KRABD5: variants seen among roughly 807,000 people sequenced by gnomAD.
The protein encoded by KRABD5 is KRAB domain containing 5.
At chr16:31,739,632 TAA>T in the KRABD5 span, among the ~76,000 whole-genome samples, 1 of 152,202 alleles carries the variant, frequency 6.6e-6, no homozygotes, top group African/African-American at 2.4e-5. Context: ...TTTCTTAAAA[TAA>T]AGTTTCTACT....
the KRABD5 span, among the ~76,000 whole-genome samples, chr16:31,736,829 A>G: frequency 6.6e-6 from 1 of 152,122 alleles, no homozygotes; most frequent in East Asian, 1.9e-4. Flanking sequence ...CCATTTTAAT[A>G]ATATTCTTCC....
At chr16:31,734,341 CTT>C in the KRABD5 span, among the ~76,000 whole-genome samples, 1 of 151,676 alleles carries the variant, frequency 6.6e-6, no homozygotes, top group Admixed American at 6.6e-5. Context: ...GCTTCAAACT[CTT>C]GGGCTCAAGT....
At chr16:31,731,149 G>C in the KRABD5 span, among the ~76,000 whole-genome samples, 1 of 152,160 alleles carries the variant, frequency 6.6e-6, no homozygotes, top group African/African-American at 2.4e-5. Flanking sequence ...ATGTGAAGGA[G>C]CAAACCTCTC....
chr16:31,760,721 A>G, the KRABD5 span: 1 of 152,160 alleles, frequency 6.6e-6, no homozygotes, highest in African/African-American at 2.4e-5. Flanking sequence ...TCTGTTTTCA[A>G]ATACTAAATC....
At chr16:31,726,642 T>C in the KRABD5 span, among the ~76,000 whole-genome samples, 1 of 152,192 alleles carries the variant, frequency 6.6e-6, no homozygotes, top group African/African-American at 2.4e-5. Context: ...ATACCTGTAA[T>C]GTCAGCTGTT....
chr16:31,738,004 G>A, the KRABD5 span, among the ~76,000 whole-genome samples: 1 of 152,098 alleles, frequency 6.6e-6, no homozygotes, highest in Non-Finnish European at 1.5e-5. Flanking sequence ...TCATGGACAT[G>A]CCATTTTTCT....
the KRABD5 span, among the ~76,000 whole-genome samples, chr16:31,721,250 C>T: frequency 6.6e-6 from 1 of 152,074 alleles, no homozygotes; most frequent in Non-Finnish European, 1.5e-5. Context: ...TGTTCTGTCA[C>T]TTTTCATGTA....
chr16:31,748,804 T>G, the KRABD5 span, among the ~76,000 whole-genome samples: 1 of 152,188 alleles, frequency 6.6e-6, no homozygotes, highest in East Asian at 1.9e-4. Context: ...TTGATGCTGT[T>G]GTTGTTGCTT....
chr16:31,741,967 G>T, the KRABD5 span, among the ~76,000 whole-genome samples: 2 of 152,078 alleles, frequency 1.3e-5, no homozygotes, highest in South Asian at 2.1e-4. Context: ...TTTTATATAT[G>T]GTGAAATGTA....
chr16:31,720,979 T>C, the KRABD5 span, among the ~76,000 whole-genome samples: 1 of 152,200 alleles, frequency 6.6e-6, no homozygotes, highest in Admixed American at 6.5e-5. Context: ...TTCACAAGCA[T>C]ACACTCCTTT....
the KRABD5 span, chr16:31,759,411 A>G: frequency 6.5e-7 from 1 of 1,535,244 alleles, no homozygotes. Context: ...CTTGAGAAAA[A>G]GGACCAAAGA....
At chr16:31,748,541 T>C in the KRABD5 span, among the ~76,000 whole-genome samples, 122,046 of 152,184 alleles carry the variant, frequency 0.8, 49,577 homozygotes, top group African/African-American at 0.92. Context: ...TTAGAACATG[T>C]TCCTTTAGCT....
At chr16:31,751,610 T>G in the KRABD5 span, among the ~76,000 whole-genome samples, 1 of 152,216 alleles carries the variant, frequency 6.6e-6, no homozygotes, top group East Asian at 1.9e-4. Flanking sequence ...TGGGATCGAT[T>G]GCAATGTCCC....
the KRABD5 span, among the ~76,000 whole-genome samples, chr16:31,747,458 A>G: frequency 6.6e-6 from 1 of 152,220 alleles, no homozygotes; most frequent in Non-Finnish European, 1.5e-5. Context: ...ATACATGTGC[A>G]TGTGTCTTTA....
chr16:31,755,948 T>C, the KRABD5 span: 1 of 164,248 alleles, frequency 6.1e-6, no homozygotes, highest in African/African-American at 2.4e-5. Context: ...CCAAAGCAGT[T>C]ACTTATTTTG....
the KRABD5 span, among the ~76,000 whole-genome samples, chr16:31,713,680 C>T: frequency 6.6e-6 from 1 of 152,210 alleles, no homozygotes; most frequent in Non-Finnish European, 1.5e-5. Context: ...CGCCGCAGCC[C>T]GGCGTCTCCC....
chr16:31,746,997 A>G, the KRABD5 span, among the ~76,000 whole-genome samples: 2 of 149,796 alleles, frequency 1.3e-5, no homozygotes, highest in Admixed American at 1.3e-4. Flanking sequence ...TTTTTTTTTA[A>G]TTATTATTAT....
the KRABD5 span, chr16:31,754,716 G>A: frequency 4.4e-6 from 2 of 458,398 alleles, no homozygotes; most frequent in Admixed American, 4.7e-5. Flanking sequence ...TCACACAGAT[G>A]TAATAATGGT....
At chr16:31,749,388 T>C in the KRABD5 span, among the ~76,000 whole-genome samples, 1 of 152,244 alleles carries the variant, frequency 6.6e-6, no homozygotes, top group African/African-American at 2.4e-5. Context: ...TAGCATGTTA[T>C]GCAGTTGTGA....
Sources: allele counts gnomAD v4.1 joint callset (sites outside exome capture counted in the v4.1 genomes callset), GRCh38; gene constraint gnomAD v4.1.1; transcripts MANE v1.5; gene names NCBI Gene and HGNC (gene_info 2026-07-23, HGNC 2026-07-21).